Variants in MCTP1 observed in about 807,000 individuals in gnomAD.
MCTP1 encodes multiple C2 and transmembrane domain containing 1.
In MCTP1, 69 loss-of-function variants were observed where a neutral mutation model predicts 120.6. The observed-to-expected ratio is 0.57, with a 90% CI of 0.47 to 0.70. MCTP1 has a LOEUF of 0.70. Ranked by LOEUF, MCTP1 falls within the 30% of genes least tolerant of loss-of-function variation. The pLI is 0.00. For missense variants in MCTP1, 1,203 were observed against 1,248.8 expected (o/e 0.96, Z 0.55); for synonymous variants, 529 against 493.1 (o/e 1.07, Z -0.96).
At chr5:94,948,468 T>G (rs1561906338) in intron 3 of MCTP1, among the ~76,000 whole-genome samples, 1 of 152,190 alleles carries the variant, frequency 6.6e-6, no homozygotes, top group East Asian at 1.9e-4. Flanking sequence ...TGATTTTTTT[T>G]GGGTCCAAAA....
At chr5:94,833,300 T>C (rs1788980914) in intron 17 of MCTP1, among the ~76,000 whole-genome samples, 2 of 152,182 alleles carry the variant, frequency 1.3e-5, no homozygotes, top group South Asian at 4.1e-4. Flanking sequence ...ATAAAGGCAA[T>C]GTCAACACCT....
At chr5:94,766,636 C>G (rs1429628562) in intron 19 of MCTP1, among the ~76,000 whole-genome samples, 1 of 150,810 alleles carries the variant, frequency 6.6e-6, no homozygotes, top group Non-Finnish European at 1.5e-5. Flanking sequence ...CAAACCTGCA[C>G]GTTGTGCACA....
intron 1 of MCTP1, among the ~76,000 whole-genome samples, chr5:95,231,981 C>A (rs1387551549): frequency 6.6e-6 from 1 of 151,890 alleles, no homozygotes; most frequent in Non-Finnish European, 1.5e-5. Context: ...CCAGACAATT[C>A]TTTGTCATGG....
intron 2 of MCTP1, among the ~76,000 whole-genome samples, chr5:94,997,309 T>C (rs1832800588): frequency 6.6e-6 from 1 of 152,142 alleles, no homozygotes; most frequent in African/African-American, 2.4e-5. Context: ...TGACAAAAAT[T>C]TCTTCCAAAA....
At chr5:95,158,873 A>G (rs1745414505) in intron 1 of MCTP1, among the ~76,000 whole-genome samples, 1 of 152,158 alleles carries the variant, frequency 6.6e-6, no homozygotes, top group Non-Finnish European at 1.5e-5. Context: ...GTGAGCTGAG[A>G]TCACACCACT....
chr5:95,117,085 G>A (rs1360401723), intron 1 of MCTP1, among the ~76,000 whole-genome samples: 1 of 152,096 alleles, frequency 6.6e-6, no homozygotes, highest in East Asian at 1.9e-4. Context: ...CAACGGACAT[G>A]AACAGACATT....
intron 3 of MCTP1, among the ~76,000 whole-genome samples, chr5:94,949,867 G>C (rs980077760): frequency 6.6e-6 from 1 of 152,066 alleles, no homozygotes; most frequent in African/African-American, 2.4e-5. Flanking sequence ...CATCATATCA[G>C]AACTGAGTCA....
At chr5:95,152,378 T>C (rs1744628168) in intron 1 of MCTP1, among the ~76,000 whole-genome samples, 1 of 152,218 alleles carries the variant, frequency 6.6e-6, no homozygotes, top group African/African-American at 2.4e-5. Context: ...AGAAATGCAT[T>C]CTATGTGTAG....
intron 17 of MCTP1, among the ~76,000 whole-genome samples, chr5:94,820,269 C>G (rs1411081599): frequency 6.6e-6 from 1 of 152,192 alleles, no homozygotes; most frequent in Non-Finnish European, 1.5e-5. Flanking sequence ...TTATTTTTGG[C>G]AGATGCTCTG....
intron 16 of MCTP1, among the ~76,000 whole-genome samples, chr5:94,869,782 A>G (rs772761189): frequency 6.6e-6 from 1 of 152,130 alleles, no homozygotes; most frequent in Non-Finnish European, 1.5e-5. Context: ...CTTAATATTA[A>G]GCCTAATTTA....
chr5:95,013,296 G>A (rs1270998373), intron 2 of MCTP1, among the ~76,000 whole-genome samples: 1 of 152,148 alleles, frequency 6.6e-6, no homozygotes, highest in Non-Finnish European at 1.5e-5. Context: ...AGAGCAAGGA[G>A]CTGCCACAAG....
chr5:95,060,964 AG>A (rs1748849461), intron 1 of MCTP1, among the ~76,000 whole-genome samples: 1 of 150,894 alleles, frequency 6.6e-6, no homozygotes, highest in Non-Finnish European at 1.5e-5. Context: ...AGAAAAGAAA[AG>A]AAAAGAAAAT....
At chr5:94,896,888 G>C (rs771379255) in intron 10 of MCTP1, among the ~76,000 whole-genome samples, 3 of 152,120 alleles carry the variant, frequency 2.0e-5, no homozygotes, top group Non-Finnish European at 4.4e-5. Context: ...GAGGGTACAT[G>C]ATGGAGGGGA....
At chr5:95,031,815 C>A (rs1840354658) in intron 1 of MCTP1, among the ~76,000 whole-genome samples, 1 of 152,082 alleles carries the variant, frequency 6.6e-6, no homozygotes, top group South Asian at 2.1e-4. Flanking sequence ...ACAACAGCAA[C>A]AAAGATCCAA....
At chr5:94,724,906 C>T (rs1761797413) in intron 19 of MCTP1, among the ~76,000 whole-genome samples, 1 of 152,024 alleles carries the variant, frequency 6.6e-6, no homozygotes, top group African/African-American at 2.4e-5. Flanking sequence ...TCTAGGCTAA[C>T]TCTGATAGAA....
chr5:95,003,902 G>A (rs1834188634), intron 2 of MCTP1, among the ~76,000 whole-genome samples: 1 of 152,166 alleles, frequency 6.6e-6, no homozygotes, highest in African/African-American at 2.4e-5. Context: ...CTATGGAACT[G>A]GGCAATGGGC....
At chr5:95,140,893 A>T (rs1042623989) in intron 1 of MCTP1, among the ~76,000 whole-genome samples, 4 of 149,328 alleles carry the variant, frequency 2.7e-5, no homozygotes, top group Non-Finnish European at 6.0e-5. Context: ...AAAAAAAAAA[A>T]AAAAAAAAAA....
intron 18 of MCTP1, among the ~76,000 whole-genome samples, chr5:94,786,141 T>G (rs932275422): frequency 6.6e-6 from 1 of 152,172 alleles, no homozygotes; most frequent in Non-Finnish European, 1.5e-5. Context: ...TTAGGTTTGA[T>G]TCACTTAAAT....
At chr5:94,947,585 G>GAA (rs1819391852) in intron 3 of MCTP1, among the ~76,000 whole-genome samples, 1 of 43,942 alleles carries the variant, frequency 2.3e-5, no homozygotes, top group Admixed American at 2.5e-4. Flanking sequence ...TATAGAGAGA[G>GAA]AGAGAGAGAG....
Sources: allele counts gnomAD v4.1 joint callset (sites outside exome capture counted in the v4.1 genomes callset), GRCh38; gene constraint gnomAD v4.1.1; transcripts MANE v1.5; gene names NCBI Gene and HGNC (gene_info 2026-07-23, HGNC 2026-07-21).